ZNF827: variants seen among roughly 807,000 people sequenced by gnomAD.
ZNF827 encodes the protein zinc finger protein 827.
Under a neutral mutation model 102.4 loss-of-function variants are expected in ZNF827, and 13 were observed. The ratio of observed to expected loss-of-function variants is 0.13; its 90% confidence interval spans 0.08 to 0.20. The LOEUF (loss-of-function observed/expected upper bound fraction) is 0.20. Ranked by LOEUF, ZNF827 falls within the 10% of genes least tolerant of loss-of-function variation. The pLI, the probability that ZNF827 is intolerant of heterozygous loss-of-function variation, is 1.00. For synonymous variants in ZNF827, 523 were observed against 536.2 expected (o/e 0.98, Z 0.34); for missense variants, 1,103 against 1,344.4 (o/e 0.82, Z 2.81).
chr4:145,885,996 A>T lies in ZNF827; in HGVS notation c.1429T>A (p.Ser477Thr). The T allele has an allele frequency of 6.2e-7, 1 of 1,613,930 alleles. No individual in the cohort carries two copies. Among genetic ancestry groups the T allele is most frequent in the Non-Finnish European group, 8.5e-7 (1 of 1,179,960 alleles). ...CAGGCACTGTCACTGAGGTGGGGAGATCCCTTGACATCTGGGTCTGGGATC... is the reference window on the plus strand; with the variant it reads ...CAGGCACTGTCACTGAGGTGGGGAGTTCCCTTGACATCTGGGTCTGGGATC... ...EEIPDPDVKG[S>T]PHLSDSACLG... Residue 477 changes from serine to threonine, a missense_variant, in exon 4 of 15, where the codon TCT (serine) becomes ACT (threonine). Coordinates refer to ENST00000508784, the MANE Select transcript of ZNF827 (RefSeq NM_001306215.2).
chr4:145,903,093 G>T lies in ZNF827; in HGVS notation c.166C>A (p.Leu56Met), dbSNP rs1446429595. 6.2e-7 allele frequency: 1 copy of T among 1,614,218 alleles called. No individual in the cohort carries two copies. The highest frequency in any genetic ancestry group is 1.7e-5 in the Admixed American group (1 of 60,026). Residue 56 changes from leucine (L) to methionine (M), a missense_variant, in exon 2 of 15, where the codon CTG (leucine) becomes ATG (methionine). Physicochemically the swap from Leu to Met is conservative, Grantham distance 15. This residue lies in a region of ZNF827 where 441 missense variants were observed against 458.6 expected (regional missense o/e 0.96). Transcript: ENST00000508784. Reference sequence around the variant, plus strand: ...GACTGCTCCTGGATCCGGTCCTCCAGAGACAACTTATAGTTCTCCTGGACT... The same window carrying T: ...GACTGCTCCTGGATCCGGTCCTCCATAGACAACTTATAGTTCTCCTGGACT... ...GEVQENYKLSLEDRIQEQSTS... is the reference protein window; with the variant it reads ...GEVQENYKLSMEDRIQEQSTS...
chr4:145,769,278 C>T (rs999060885), intron 11 of ZNF827, among the ~76,000 whole-genome samples: 4 of 152,150 alleles, frequency 2.6e-5, no homozygotes, highest in Non-Finnish European at 5.9e-5. Context: ...AGCTATGTGA[C>T]AACTAGTACC....
intron 5 of ZNF827, among the ~76,000 whole-genome samples, chr4:145,858,891 G>A (rs1747437435): frequency 2.0e-5 from 3 of 152,110 alleles, no homozygotes; most frequent in Admixed American, 6.5e-5. Flanking sequence ...GGTCAAAGGG[G>A]TTCAGTATAT....
At chr4:145,829,685 C>T (rs538912983) in intron 7 of ZNF827, among the ~76,000 whole-genome samples, 1 of 152,326 alleles carries the variant, frequency 6.6e-6, no homozygotes, top group East Asian at 1.9e-4. Context: ...TGGGAGCCAA[C>T]GTGTTCTTTC....
At chr4:145,855,386 C>A (rs1016561603) in intron 5 of ZNF827, among the ~76,000 whole-genome samples, 2 of 152,194 alleles carry the variant, frequency 1.3e-5, no homozygotes, top group Admixed American at 1.3e-4. Flanking sequence ...TGGGCAAACA[C>A]CCTCCACATA....
At chr4:145,867,871 T>C (rs1174939874) in intron 5 of ZNF827, among the ~76,000 whole-genome samples, 2 of 152,212 alleles carry the variant, frequency 1.3e-5, no homozygotes, top group African/African-American at 2.4e-5. Flanking sequence ...AAATGAATTA[T>C]TACTCTTGTC....
chr4:145,874,187 C>T (rs1478365330), intron 4 of ZNF827, among the ~76,000 whole-genome samples: 1 of 152,092 alleles, frequency 6.6e-6, no homozygotes, highest in Non-Finnish European at 1.5e-5. Context: ...GCTAGCACAA[C>T]CTGGATTTAA....
Position 145,761,108 on chromosome 4 carries a change from C to A in ZNF827, c.*508G>T. The A allele has an allele frequency of 7.8e-7, 1 of 1,289,540 alleles. No homozygotes were observed. Among genetic ancestry groups the A allele is most frequent in the Admixed American group, 2.3e-5 (1 of 43,566 alleles). The allele number at this position is 1,289,540 out of a possible 1,614,324, so 79.9% of individuals were successfully genotyped here. On this transcript the variant is annotated 3_prime_UTR_variant, in exon 15 of 15. Transcript: ENST00000508784. This position sits in a 1 kb window ranked among gnomAD's most constrained non-coding sequence, Gnocchi z 6.8. Reference sequence around the variant, plus strand: ...GGAGACAGGAGATTCCGGGAGCTCCCGACCACCAGGAGCGGGGCCCCCGGG... The same window carrying A: ...GGAGACAGGAGATTCCGGGAGCTCCAGACCACCAGGAGCGGGGCCCCCGGG...
chr4:145,879,484 G>C (rs1251134730), intron 4 of ZNF827, among the ~76,000 whole-genome samples: 2 of 150,956 alleles, frequency 1.3e-5, no homozygotes, highest in African/African-American at 4.9e-5. Flanking sequence ...AAATTTCCCA[G>C]GGGTCTATCA....
intron 5 of ZNF827, among the ~76,000 whole-genome samples, chr4:145,850,117 C>G (rs1490366655): frequency 1.3e-5 from 2 of 151,826 alleles, no homozygotes; most frequent in Admixed American, 6.6e-5. Context: ...TTAAGAGATT[C>G]TCCTGCCTCA....
At chr4:145,842,785 C>A (rs912710334) in intron 7 of ZNF827, among the ~76,000 whole-genome samples, 1 of 152,174 alleles carries the variant, frequency 6.6e-6, no homozygotes, top group African/African-American at 2.4e-5. Context: ...ATATACCTAG[C>A]TATTCTCAAA....
chr4:145,865,621 C>T (rs1436894641), intron 5 of ZNF827, among the ~76,000 whole-genome samples: 1 of 152,168 alleles, frequency 6.6e-6, no homozygotes, highest in African/African-American at 2.4e-5. Context: ...ACTGCCTTAG[C>T]AAATTAGAGA....
At chr4:145,856,482 A>C (rs150900638) in intron 5 of ZNF827, among the ~76,000 whole-genome samples, 67 of 152,272 alleles carry the variant, frequency 4.4e-4, no homozygotes, top group African/African-American at 1.6e-3. Context: ...CCCCAGAGAG[A>C]GGCGATGCAA....
At chr4:145,812,984 A>G (rs778039639) in intron 8 of ZNF827, among the ~76,000 whole-genome samples, 2 of 152,216 alleles carry the variant, frequency 1.3e-5, no homozygotes, top group Non-Finnish European at 2.9e-5. Flanking sequence ...GTTAAAAAAA[A>G]TTGCGTGTTG....
At chr4:145,920,431 C>G (rs973355975) in intron 1 of ZNF827, among the ~76,000 whole-genome samples, 2 of 152,200 alleles carry the variant, frequency 1.3e-5, no homozygotes, top group Non-Finnish European at 1.5e-5. Flanking sequence ...CTCTCTTGCA[C>G]TTAGACGGTG....
chr4:145,758,615 C>T lies in ZNF827; in HGVS notation c.*3001G>A, dbSNP rs1032147576. 6.6e-6 allele frequency: 1 copy of T among 152,302 alleles called. No homozygotes were observed. The highest frequency in any genetic ancestry group is 2.4e-5 in the African/African-American group (1 of 41,426). The allele number at this position is 152,302 out of a possible 1,614,324, so 9.4% of individuals were successfully genotyped here. A position where few individuals can be genotyped will look rare whatever the true frequency, so the allele number is the denominator to read the frequency against. ...CAAAACAAAACAAAAAACCAACCCA[C>T]CCATAAGCCCAGTATTCTTGGAGTG... is the stretch of plus-strand genomic sequence containing the variant. On this transcript the variant is annotated 3_prime_UTR_variant, in exon 15 of 15. Coordinates refer to ENST00000508784, the MANE Select transcript of ZNF827 (RefSeq NM_001306215.2).
chr4:145,888,619 T>A (rs576080289), intron 3 of ZNF827, among the ~76,000 whole-genome samples: 3 of 151,994 alleles, frequency 2.0e-5, no homozygotes, highest in Non-Finnish European at 4.4e-5. Context: ...AGGGCCTTCA[T>A]GAGAAGTTAG....
intron 6 of ZNF827, among the ~76,000 whole-genome samples, chr4:145,847,947 T>G (rs1053602215): frequency 6.6e-6 from 1 of 152,202 alleles, no homozygotes; most frequent in African/African-American, 2.4e-5. Flanking sequence ...CAGCCAGTAC[T>G]CTTTCAGAGA....
At chr4:145,857,008 CACTCTTAT>C (rs1747211572) in intron 5 of ZNF827, among the ~76,000 whole-genome samples, 2 of 152,164 alleles carry the variant, frequency 1.3e-5, no homozygotes, top group African/African-American at 4.8e-5. Flanking sequence ...CACACACACA[CACTCTTAT>C]TCTTAAAACA....
Sources: gnomAD v4.1 joint callset for allele counts (sites outside exome capture counted in the v4.1 genomes callset) on GRCh38, gnomAD v4.1.1 for gene constraint, gnomAD v4.1.1 regional missense constraint, Gnocchi (gnomAD v3.1) non-coding constraint, MANE v1.5 for transcripts, NCBI Gene and HGNC (gene_info 2026-07-23, HGNC 2026-07-21) for gene names.